PACRG: variants seen among roughly 807,000 people sequenced by gnomAD.
PACRG encodes parkin coregulated gene protein.
Under a neutral mutation model 29.7 loss-of-function variants are expected in PACRG, and 29 were observed. That is an observed-to-expected ratio of 0.98 (90% confidence interval 0.73 to 1.33). The LOEUF (loss-of-function observed/expected upper bound fraction) is 1.33, where lower values mean the gene tolerates loss of function less well. Among genes scored for constraint, PACRG ranks in the 40% most tolerant of loss-of-function variants. PACRG has a pLI of 0.00. For synonymous variants in PACRG, 116 were observed against 118.7 expected (o/e 0.98, Z 0.15); for missense variants, 279 against 316.2 (o/e 0.88, Z 0.89).
intron 2 of PACRG, among the ~76,000 whole-genome samples, chr6:163,015,766 A>C (rs1014943138): frequency 5.9e-5 from 9 of 152,118 alleles, no homozygotes; most frequent in Non-Finnish European, 1.3e-4. Flanking sequence ...TAGGGCTTTC[A>C]AGGTATAGAA....
chr6:162,778,025 C>A (rs534033307), intron 1 of PACRG, among the ~76,000 whole-genome samples: 10 of 152,122 alleles, frequency 6.6e-5, no homozygotes, highest in African/African-American at 2.4e-4. Context: ...TCAGGCCTCA[C>A]AGAGCACACA....
Position 163,095,190 on chromosome 6 carries a change from G to A in PACRG, c.613+5782G>A, listed in dbSNP as rs554668290. ...CTTTACCATGGTGAAACCTACACAT[G>A]CTTATGAGGTTAAATGCCTTTCCTC... On this transcript the variant is annotated intron_variant, in intron 4 of 4. Transcript: ENST00000366888. 14 of 918,214 alleles carry A rather than the reference G, an allele frequency of 1.5e-5. No homozygotes were observed. The South Asian group carries it at 5.5e-4, about 36-fold the overall frequency. The allele number at this position is 918,214 out of a possible 1,614,324, so 56.9% of individuals were successfully genotyped here. A position where few individuals can be genotyped will look rare whatever the true frequency, so the allele number is the denominator to read the frequency against.
intron 1 of PACRG, among the ~76,000 whole-genome samples, chr6:162,749,367 A>G (rs1031425289): frequency 1.3e-5 from 2 of 152,208 alleles, no homozygotes; most frequent in African/African-American, 4.8e-5. Flanking sequence ...TGGCACATGA[A>G]GTTATTAATG....
At chr6:162,759,747 A>G (rs1449560837) in intron 1 of PACRG, among the ~76,000 whole-genome samples, 4 of 152,208 alleles carry the variant, frequency 2.6e-5, no homozygotes, top group Admixed American at 1.3e-4. Context: ...AGAATGGGTG[A>G]TTATATAGGA....
intron 2 of PACRG, among the ~76,000 whole-genome samples, chr6:162,955,067 C>G (rs2128135861): frequency 6.6e-6 from 1 of 152,102 alleles, no homozygotes; most frequent in East Asian, 1.9e-4. Flanking sequence ...GTTAACGTAC[C>G]TGGGTTTGAA....
At chr6:162,883,613 G>C (rs1356917925) in intron 2 of PACRG, among the ~76,000 whole-genome samples, 1 of 151,870 alleles carries the variant, frequency 6.6e-6, no homozygotes, top group Non-Finnish European at 1.5e-5. Flanking sequence ...GGCAAGTCCA[G>C]TACATATGAT....
chr6:163,313,023 T>G, intron 4 of PACRG: 1 of 212,232 alleles, frequency 4.7e-6, no homozygotes, highest in South Asian at 5.8e-5. Context: ...CCCAAAGTGC[T>G]GGTATTACAG....
intron 2 of PACRG, among the ~76,000 whole-genome samples, chr6:162,972,227 G>T (rs1801593994): frequency 6.6e-6 from 1 of 152,158 alleles, no homozygotes; most frequent in South Asian, 2.1e-4. Context: ...TTTCCACCCT[G>T]CAGTGATTCA....
intron 1 of PACRG, among the ~76,000 whole-genome samples, chr6:162,752,282 G>T (rs1457586876): frequency 6.6e-6 from 1 of 152,084 alleles, no homozygotes; most frequent in Non-Finnish European, 1.5e-5. Flanking sequence ...TAAAAAGTTT[G>T]CCTTTTGTAT....
chr6:162,896,547 A>T (rs1243498296), intron 2 of PACRG, among the ~76,000 whole-genome samples: 1 of 152,224 alleles, frequency 6.6e-6, no homozygotes, highest in Non-Finnish European at 1.5e-5. Flanking sequence ...TTGGATGTGT[A>T]AGAATTATAA....
chr6:162,883,470 A>G (rs556929132), intron 2 of PACRG, among the ~76,000 whole-genome samples: 1 of 152,276 alleles, frequency 6.6e-6, no homozygotes, highest in East Asian at 1.9e-4. Flanking sequence ...CTCTCATGGC[A>G]TGGATCATTC....
chr6:162,807,270 G>T (rs1300653142), intron 1 of PACRG, among the ~76,000 whole-genome samples: 3 of 152,106 alleles, frequency 2.0e-5, no homozygotes, highest in African/African-American at 7.2e-5. Context: ...GTGTTCACTG[G>T]GATAGCACTT....
intron 1 of PACRG, among the ~76,000 whole-genome samples, chr6:162,810,114 C>G (rs1262421404): frequency 6.6e-6 from 1 of 152,116 alleles, no homozygotes; most frequent in East Asian, 1.9e-4. Flanking sequence ...CCCTTCCAGC[C>G]AGGAGGGCAT....
At chr6:163,164,842 T>C (rs1778721943) in intron 4 of PACRG, among the ~76,000 whole-genome samples, 1 of 152,216 alleles carries the variant, frequency 6.6e-6, no homozygotes, top group African/African-American at 2.4e-5. Context: ...TGAACCATTC[T>C]GAGGTTCAGG....
At chr6:163,029,172 G>C (rs1034504479) in intron 2 of PACRG, among the ~76,000 whole-genome samples, 1 of 152,156 alleles carries the variant, frequency 6.6e-6, no homozygotes, top group South Asian at 2.1e-4. Flanking sequence ...GCAGCTCCTG[G>C]AGGCCGAAAA....
intron 4 of PACRG, among the ~76,000 whole-genome samples, chr6:163,152,725 C>CAA (rs1301357640): frequency 4.6e-5 from 7 of 152,208 alleles, no homozygotes; most frequent in African/African-American, 1.7e-4. Flanking sequence ...CAGCTTACAG[C>CAA]AATATTGGAA....
chr6:162,740,456 G>A (rs1011252004), intron 1 of PACRG, among the ~76,000 whole-genome samples: 18 of 147,248 alleles, frequency 1.2e-4, no homozygotes, highest in Non-Finnish European at 2.3e-4. Flanking sequence ...GACTACAGGC[G>A]CCCACCACCA....
intron 2 of PACRG, among the ~76,000 whole-genome samples, chr6:162,944,697 G>A (rs1255292220): frequency 6.6e-6 from 1 of 151,986 alleles, no homozygotes; most frequent in Non-Finnish European, 1.5e-5. Context: ...ATGTTTGAAA[G>A]CTTTAACAGT....
intron 2 of PACRG, among the ~76,000 whole-genome samples, chr6:163,041,818 T>G (rs1329762968): frequency 6.6e-6 from 1 of 152,204 alleles, no homozygotes; most frequent in Non-Finnish European, 1.5e-5. Flanking sequence ...AAGTAGCAAA[T>G]CAAGCACTGC....
Sources: allele counts gnomAD v4.1 joint callset (sites outside exome capture counted in the v4.1 genomes callset), GRCh38; gene constraint gnomAD v4.1.1; transcripts MANE v1.5; gene names NCBI Gene and HGNC (gene_info 2026-07-23, HGNC 2026-07-21).